SIN3A: variants seen among roughly 807,000 people sequenced by gnomAD.
The protein encoded by SIN3A is SIN3 transcription regulator family member A.
SIN3A carries 14 observed loss-of-function variants against 146.1 expected under a neutral mutation model. The ratio of observed to expected loss-of-function variants is 0.10; its 90% confidence interval spans 0.06 to 0.15. The LOEUF (loss-of-function observed/expected upper bound fraction) is 0.15. Among genes scored for constraint, SIN3A ranks in the 10% least tolerant of loss-of-function variants. SIN3A has a pLI of 1.00. For missense variants in SIN3A, 1,028 were observed against 1,576.0 expected (o/e 0.65, Z 5.89); for synonymous variants, 572 against 572.0 (o/e 1.00, Z 0.00).
chr15:75,408,015 C>T (rs1323659939), intron 8 of SIN3A, among the ~76,000 whole-genome samples: 1 of 147,926 alleles, frequency 6.8e-6, no homozygotes, highest in Admixed American at 6.8e-5. Flanking sequence ...CAAGAAGTTA[C>T]TTTTAAAATC....
At chr15:75,387,902 C>T (rs1261372386) in intron 16 of SIN3A, among the ~76,000 whole-genome samples, 1 of 152,136 alleles carries the variant, frequency 6.6e-6, no homozygotes, top group Non-Finnish European at 1.5e-5. Flanking sequence ...AGTTACCATC[C>T]AGACCTCTTA....
At chr15:75,375,984 TTAAA>T in intron 19 of SIN3A, 112 bp from the exon 20 acceptor site, 1 of 1,024,740 alleles carries the variant, frequency 9.8e-7, no homozygotes, top group Non-Finnish European at 1.5e-6. Flanking sequence ...TCCCAATTTG[TTAAA>T]TACATACACA....
chr15:75,392,858 A>G, intron 14 of SIN3A, 43 bp from the exon 15 acceptor site: 6 of 1,381,736 alleles, frequency 4.3e-6, no homozygotes, highest in Non-Finnish European at 6.0e-6. Flanking sequence ...AGATGTCTAC[A>G]GCGACAACAT....
rs150140832 is a variant in SIN3A at position 75,388,775 on chromosome 15, T to C, written c.3021+877A>G. On this transcript the variant is annotated intron_variant, in intron 16 of 20. Transcript: ENST00000394947. Reference sequence around the variant, plus strand: ...CATCAATTTTCAGCTCTTTGGCATATGGGCAAAAAGGGCCAAGGGAGCCAC... The same window carrying C: ...CATCAATTTTCAGCTCTTTGGCATACGGGCAAAAAGGGCCAAGGGAGCCAC... 232 of 153,066 alleles carry C rather than the reference T, an allele frequency of 1.5e-3. 1 individual carries two copies. The highest frequency in any genetic ancestry group is 5.3e-3 in the African/African-American group (222 of 41,636). 9.5% of individuals were successfully genotyped at this position (153,066 alleles called of 1,614,324 possible). A position where few individuals can be genotyped will look rare whatever the true frequency, so the allele number is the denominator to read the frequency against.
chr15:75,434,882 A>G (rs1222950859), intron 1 of SIN3A, among the ~76,000 whole-genome samples: 1 of 151,782 alleles, frequency 6.6e-6, no homozygotes, highest in Non-Finnish European at 1.5e-5. Context: ...TGGGAGGCAG[A>G]GGCTGCAGTG....
intron 2 of SIN3A, among the ~76,000 whole-genome samples, chr15:75,428,002 A>G (rs2073955663): frequency 6.6e-6 from 1 of 152,038 alleles, no homozygotes; most frequent in Non-Finnish European, 1.5e-5. Flanking sequence ...TAAATAAATG[A>G]ATAAAATAAA....
At chr15:75,408,416 A>G (rs1363015182) in intron 8 of SIN3A, among the ~76,000 whole-genome samples, 1 of 152,232 alleles carries the variant, frequency 6.6e-6, no homozygotes, top group Non-Finnish European at 1.5e-5. Context: ...CCTTGTAGTC[A>G]GTCAATCACT....
intron 1 of SIN3A, among the ~76,000 whole-genome samples, chr15:75,438,867 C>T (rs1230392545): frequency 6.6e-6 from 1 of 152,170 alleles, no homozygotes; most frequent in Non-Finnish European, 1.5e-5. Context: ...TAAACTTCAA[C>T]CCAGTGCAAT....
rs1478782337 is a variant in SIN3A, at chr15:75,411,579, G to A, written c.921C>T (p.Ala307=). 2 of 1,613,960 alleles carry A rather than the reference G, an allele frequency of 1.2e-6. No individual in the cohort carries two copies. The highest frequency in any genetic ancestry group is 1.6e-4 in the Middle Eastern group (1 of 6,084). The part of the protein sequence containing the change: ...QNNQPVEFNH[A]INYVNKIKNR... Reference sequence around the variant, plus strand: ...TCTTGATCTTATTAACATAGTTGATGGCATGATTAAACTCCACAGGTTGAT... The same window carrying A: ...TCTTGATCTTATTAACATAGTTGATAGCATGATTAAACTCCACAGGTTGAT... The change falls in exon 6 of 21, where the codon GCC becomes GCT. Residue 307 remains alanine (A), a synonymous_variant. Coordinates refer to ENST00000394947, the MANE Select transcript of SIN3A (RefSeq NM_001145358.2).
intron 16 of SIN3A, among the ~76,000 whole-genome samples, chr15:75,385,926 G>C (rs1434048598): frequency 6.6e-6 from 1 of 152,204 alleles, no homozygotes; most frequent in Non-Finnish European, 1.5e-5. Flanking sequence ...CTGATATCAT[G>C]AGGAAGATTA....
chr15:75,455,344 C>T (rs1473033327), upstream of SIN3A, among the ~76,000 whole-genome samples: 2 of 152,180 alleles, frequency 1.3e-5, no homozygotes, highest in Non-Finnish European at 2.9e-5. Flanking sequence ...GCCGCAGCTC[C>T]GGCCCGGTTC....
At chr15:75,418,293 G>A (rs1010897238) in intron 3 of SIN3A, among the ~76,000 whole-genome samples, 2 of 151,342 alleles carry the variant, frequency 1.3e-5, no homozygotes. Flanking sequence ...GCCTCCCAAC[G>A]TGCTGGGATT....
intron 18 of SIN3A, 171 bp from the exon 19 acceptor site, chr15:75,380,894 T>C (rs2072951975): frequency 3.6e-6 from 2 of 558,876 alleles, no homozygotes; most frequent in Non-Finnish European, 6.5e-6. Flanking sequence ...GGAACACGGA[T>C]TAAAAATTCT....
intron 1 of SIN3A, among the ~76,000 whole-genome samples, chr15:75,436,933 G>C (rs1302021100): frequency 6.6e-6 from 1 of 152,188 alleles, no homozygotes; most frequent in Non-Finnish European, 1.5e-5. Flanking sequence ...CAGGGGTATA[G>C]AGCATGAAAT....
At chr15:75,432,722 G>C (rs932565480) in intron 1 of SIN3A, among the ~76,000 whole-genome samples, 1 of 146,292 alleles carries the variant, frequency 6.8e-6, no homozygotes, top group Non-Finnish European at 1.5e-5. Flanking sequence ...GAAATGTTAT[G>C]ATAGGGCAGC....
At chr15:75,452,454 G>A (rs1395128304), upstream of SIN3A, among the ~76,000 whole-genome samples, 1 of 152,146 alleles carries the variant, frequency 6.6e-6, no homozygotes, top group Non-Finnish European at 1.5e-5. Context: ...ATGAGAGAAT[G>A]AGAACTCATC....
intron 20 of SIN3A, among the ~76,000 whole-genome samples, chr15:75,372,885 AT>A (rs1343819942): frequency 2.0e-5 from 3 of 151,430 alleles, no homozygotes; most frequent in Non-Finnish European, 4.4e-5. Context: ...ACCAATGTGC[AT>A]TTTAAACCAG....
intron 1 of SIN3A, among the ~76,000 whole-genome samples, chr15:75,438,017 TAC>T (rs1425310819): frequency 6.6e-6 from 1 of 151,652 alleles, no homozygotes; most frequent in Non-Finnish European, 1.5e-5. Context: ...AGATCCCAAA[TAC>T]ACACACACAA....
intron 1 of SIN3A, among the ~76,000 whole-genome samples, chr15:75,433,862 CCTAA>C (rs2074056760): frequency 6.6e-6 from 1 of 152,128 alleles, no homozygotes; most frequent in Non-Finnish European, 1.5e-5. Context: ...AAGTTCTATT[CCTAA>C]CTCTCTCTCA....
Sources: gnomAD v4.1 joint callset for allele counts (sites outside exome capture counted in the v4.1 genomes callset) on GRCh38, gnomAD v4.1.1 for gene constraint, MANE v1.5 for transcripts, NCBI Gene and HGNC (gene_info 2026-07-23, HGNC 2026-07-21) for gene names.